The following CDH12 variants were observed in gnomAD, a reference collection of about 807,000 sequenced individuals.
The protein encoded by CDH12 is cadherin-12.
A neutral mutation model predicts 74.1 loss-of-function variants in CDH12; 41 were observed. That is an observed-to-expected ratio of 0.55 (90% CI 0.43 to 0.72). CDH12 has a LOEUF of 0.72. CDH12 is among the 30% of genes least tolerant of loss of function. The probability of loss-of-function intolerance (pLI) is 0.00; values close to 1 mark genes in which losing one functional copy is unlikely to be tolerated. For synonymous variants in CDH12, 399 were observed against 355.0 expected (o/e 1.12, Z -1.39); for missense variants, 945 against 977.2 (o/e 0.97, Z 0.44).
At chr5:22,440,291 T>G (rs1744571825) in intron 2 of CDH12, among the ~76,000 whole-genome samples, 1 of 152,132 alleles carries the variant, frequency 6.6e-6, no homozygotes, top group Admixed American at 6.6e-5. Flanking sequence ...GATGAAAAGT[T>G]AATGAGAAAC....
intron 4 of CDH12, among the ~76,000 whole-genome samples, chr5:22,101,519 A>C (rs545492969): frequency 6.6e-6 from 1 of 152,272 alleles, no homozygotes; most frequent in East Asian, 1.9e-4. Flanking sequence ...TGGAAAGTGT[A>C]TTGCTTCCAG....
At chr5:22,564,604 G>A (rs1436491444) in intron 1 of CDH12, among the ~76,000 whole-genome samples, 2 of 151,876 alleles carry the variant, frequency 1.3e-5, no homozygotes, top group African/African-American at 4.8e-5. Context: ...TTGCTTACAC[G>A]TTTGTTCATT....
At position 22,305,241 on chromosome 5, in the gene CDH12, A is replaced by G. The variant is rs1319775156; in HGVS notation, c.-332-92598T>C. On this transcript the variant is annotated intron_variant, in intron 3 of 14. Transcript: ENST00000382254. Reference sequence around the variant, plus strand: ...CAGGAGATAATCATCTAGTTCATCTACTGTTCCCTCCAATACAGTATGCTC... The same window carrying G: ...CAGGAGATAATCATCTAGTTCATCTGCTGTTCCCTCCAATACAGTATGCTC... 3.9e-5 allele frequency among the ~76,000 whole-genome samples: 6 copies of G among 152,236 alleles called. No individual in the cohort carries two copies. The East Asian group carries it at 9.7e-4, about 25-fold the overall frequency.
At chr5:21,842,825 T>A (rs1749947808) in intron 7 of CDH12, among the ~76,000 whole-genome samples, 1 of 152,168 alleles carries the variant, frequency 6.6e-6, no homozygotes, top group Non-Finnish European at 1.5e-5. Flanking sequence ...TCATTACATA[T>A]TTTATTTTGT....
chr5:22,753,427 AC>A (rs1338662991), intron 1 of CDH12, among the ~76,000 whole-genome samples: 5 of 148,788 alleles, frequency 3.4e-5, no homozygotes, highest in Non-Finnish European at 7.4e-5. Flanking sequence ...ACAGAGCGAG[AC>A]TGTGTCAGAA....
chr5:22,059,124 G>A (rs1356501880), intron 5 of CDH12, among the ~76,000 whole-genome samples: 1 of 152,104 alleles, frequency 6.6e-6, no homozygotes, highest in Non-Finnish European at 1.5e-5. Context: ...TAGTGAATAA[G>A]AAAGATAGGT....
intron 1 of CDH12, among the ~76,000 whole-genome samples, chr5:22,741,585 G>A (rs1580947360): frequency 6.6e-6 from 1 of 152,096 alleles, no homozygotes; most frequent in Admixed American, 6.6e-5. Context: ...TGCAAAATGT[G>A]AAAAGTCTTT....
intron 8 of CDH12, among the ~76,000 whole-genome samples, chr5:21,837,613 C>T (rs749411386): frequency 6.6e-6 from 1 of 152,022 alleles, no homozygotes; most frequent in Admixed American, 6.6e-5. Flanking sequence ...AATTCTATAT[C>T]ACACTTGACG....
chr5:22,039,784 G>T (rs1163128635), intron 5 of CDH12, among the ~76,000 whole-genome samples: 1 of 152,024 alleles, frequency 6.6e-6, no homozygotes, highest in Non-Finnish European at 1.5e-5. Context: ...GAGTCACCAT[G>T]CCCTTTCCAA....
intron 4 of CDH12, among the ~76,000 whole-genome samples, chr5:22,192,811 A>G (rs1202026604): frequency 6.6e-6 from 1 of 152,240 alleles, no homozygotes; most frequent in Admixed American, 6.5e-5. Flanking sequence ...TATTTGAAAC[A>G]GAACACAGCT....
rs1745165942 is a variant in CDH12 at position 22,453,943 on chromosome 5, T to C, written c.-427-48592A>G. Reference sequence around the variant, plus strand: ...TTTTCATTAATCCATGAAAATTTGGTATTTTCTATTATGTTGTTAACCAAA... The same window carrying C: ...TTTTCATTAATCCATGAAAATTTGGCATTTTCTATTATGTTGTTAACCAAA... On this transcript the variant is annotated intron_variant, in intron 2 of 14. Coordinates refer to ENST00000382254, the MANE Select transcript of CDH12 (RefSeq NM_004061.5). Among the ~76,000 whole-genome samples, 5 of 152,316 alleles carry C rather than the reference T, an allele frequency of 3.3e-5. No homozygotes were observed. The South Asian group carries it at 1.0e-3, about 32-fold the overall frequency.
chr5:21,888,199 G>T (rs1186052579), intron 6 of CDH12, among the ~76,000 whole-genome samples: 1 of 152,066 alleles, frequency 6.6e-6, no homozygotes, highest in South Asian at 2.1e-4. Context: ...TCTAAGAAAG[G>T]ACAAAAGAAC....
In CDH12 at chr5:22,431,414, A is replaced by G. The variant is rs144548822; in HGVS notation, c.-427-26063T>C. ...ATGCTGGTGTAAACAAACCTACTCT[A>G]CTGCGAATGGTATAAAAGTAACAGC... On this transcript the variant is annotated intron_variant, in intron 2 of 14. Transcript: ENST00000382254. 3.9e-4 allele frequency among the ~76,000 whole-genome samples: 60 copies of G among 152,322 alleles called. 1 individual carries two copies. The East Asian group carries it at 0.01, about 26-fold the overall frequency.
intron 10 of CDH12, among the ~76,000 whole-genome samples, chr5:21,789,962 GC>G (rs1358589451): frequency 6.6e-6 from 1 of 151,942 alleles, no homozygotes; most frequent in African/African-American, 2.4e-5. Flanking sequence ...TATTCTTCCT[GC>G]CTGTATAATA....
At chr5:22,390,624 G>A (rs185354674) in intron 3 of CDH12, among the ~76,000 whole-genome samples, 63 of 137,170 alleles carry the variant, frequency 4.6e-4, no homozygotes, top group Admixed American at 1.4e-3. Flanking sequence ...ATAGATAGAT[G>A]ATAGAATATT....
chr5:22,742,281 A>T (rs572157688), intron 1 of CDH12, among the ~76,000 whole-genome samples: 2 of 152,070 alleles, frequency 1.3e-5, no homozygotes, highest in Non-Finnish European at 2.9e-5. Flanking sequence ...GAAAAACAAG[A>T]ACAAGGGGTT....
At chr5:22,533,181 A>G (rs890496270) in intron 1 of CDH12, among the ~76,000 whole-genome samples, 1 of 151,922 alleles carries the variant, frequency 6.6e-6, no homozygotes, top group Non-Finnish European at 1.5e-5. Flanking sequence ...ATGTCAGGGG[A>G]CATTTTTGGT....
intron 1 of CDH12, among the ~76,000 whole-genome samples, chr5:22,707,386 G>T (rs1243977064): frequency 1.3e-5 from 2 of 152,076 alleles, no homozygotes; most frequent in Non-Finnish European, 2.9e-5. Flanking sequence ...TTTTAACTAT[G>T]ATTTCACCCT....
intron 2 of CDH12, among the ~76,000 whole-genome samples, chr5:22,419,999 TTTTG>T (rs897714630): frequency 5.7e-4 from 87 of 152,158 alleles, no homozygotes; most frequent in African/African-American, 9.9e-4. Context: ...TGGGGTTTTT[TTTTG>T]TTTGTTTGTT....
Sources: allele counts gnomAD v4.1 joint callset (sites outside exome capture counted in the v4.1 genomes callset), GRCh38; gene constraint gnomAD v4.1.1; transcripts MANE v1.5; gene names NCBI Gene and HGNC (gene_info 2026-07-23, HGNC 2026-07-21).